Variants in BIK observed in about 807,000 individuals in gnomAD.
The protein encoded by BIK is BCL2 interacting killer, also known as bcl-2-interacting killer.
A neutral mutation model predicts 12.1 loss-of-function variants in BIK; 14 were observed. The observed-to-expected ratio is 1.16, with a 90% CI of 0.77 to 1.81. The LOEUF (loss-of-function observed/expected upper bound fraction) is 1.81. BIK is among the 40% of genes most tolerant of loss of function. The probability of loss-of-function intolerance (pLI) is 0.00; values close to 1 mark genes in which losing one functional copy is unlikely to be tolerated. For synonymous variants in BIK, 86 were observed against 92.3 expected (o/e 0.93, Z 0.39); for missense variants, 215 against 207.9 (o/e 1.03, Z -0.21).
chr22:43,128,390 G>A (rs781477962), intron 3 of BIK, 106 bp from the exon 4 acceptor site: 79 of 1,432,020 alleles, frequency 5.5e-5, no homozygotes, highest in Non-Finnish European at 7.4e-5. Context: ...GGGTGGGAGG[G>A]CACAGGCCCC....
chr22:43,119,981 T>A (rs1362578320), intron 1 of BIK, among the ~76,000 whole-genome samples: 1 of 152,032 alleles, frequency 6.6e-6, no homozygotes, highest in Admixed American at 6.6e-5. Context: ...AAAAAAATAA[T>A]AATAAAATTT....
At chr22:43,124,617 C>T (rs565910045) in intron 2 of BIK, among the ~76,000 whole-genome samples, 18 of 152,316 alleles carry the variant, frequency 1.2e-4, no homozygotes, top group East Asian at 3.9e-4. Flanking sequence ...TTGGGCCACA[C>T]GCAGTGGCTC....
intron 1 of BIK, among the ~76,000 whole-genome samples, chr22:43,114,336 T>C (rs1930068672): frequency 6.6e-6 from 1 of 152,140 alleles, no homozygotes; most frequent in Non-Finnish European, 1.5e-5. Flanking sequence ...GGAGTCTTGC[T>C]CTGTTGCCCA....
chr22:43,125,881 G>A (rs539790105), intron 2 of BIK, among the ~76,000 whole-genome samples: 1 of 152,348 alleles, frequency 6.6e-6, no homozygotes, highest in African/African-American at 2.4e-5. Flanking sequence ...CCTGGAGGCA[G>A]CAGGATTTGC....
intron 2 of BIK, among the ~76,000 whole-genome samples, chr22:43,125,049 CCTT>C (rs1930288117): frequency 6.6e-6 from 1 of 152,136 alleles, no homozygotes; most frequent in African/African-American, 2.4e-5. Context: ...AATTCCTCCT[CCTT>C]TTAGACAATA....
At chr22:43,116,583 C>T (rs12019221) in intron 1 of BIK, among the ~76,000 whole-genome samples, 24,222 of 151,964 alleles carry the variant, frequency 0.16, 2,175 homozygotes, top group African/African-American at 0.24. Flanking sequence ...CTCAGCCTCC[C>T]GAGTAGCTGG....
intron 1 of BIK, among the ~76,000 whole-genome samples, chr22:43,119,808 C>T (rs576638834): frequency 1.3e-4 from 20 of 152,168 alleles, no homozygotes; most frequent in African/African-American, 4.3e-4. Context: ...CCTATCTCTA[C>T]AGCAATTCTA....
chr22:43,123,479 TGGCTCA>T (rs1930254786), intron 1 of BIK, among the ~76,000 whole-genome samples: 1 of 152,186 alleles, frequency 6.6e-6, no homozygotes, highest in Non-Finnish European at 1.5e-5. Context: ...CTGGGCGTGG[TGGCTCA>T]TGTCTGTCGT....
At chr22:43,119,623 G>A (rs1411760491) in intron 1 of BIK, among the ~76,000 whole-genome samples, 2 of 151,966 alleles carry the variant, frequency 1.3e-5, no homozygotes, top group Admixed American at 6.6e-5. Flanking sequence ...GGAGCCAGAG[G>A]GGAGCAGAGA....
At chr22:43,117,076 G>C (rs552751550) in intron 1 of BIK, among the ~76,000 whole-genome samples, 2 of 152,188 alleles carry the variant, frequency 1.3e-5, no homozygotes, top group Non-Finnish European at 2.9e-5. Context: ...AGGTGGGGGT[G>C]CCGTTTCAGA....
chr22:43,119,470 CTT>C (rs1273851072), intron 1 of BIK, among the ~76,000 whole-genome samples: 2 of 152,136 alleles, frequency 1.3e-5, no homozygotes, highest in Non-Finnish European at 2.9e-5. Context: ...CAGCCCCTCT[CTT>C]AGCGGTTTAC....
rs745609997 is a variant in BIK, at chr22:43,129,310, C to CCGG, written c.*10_*12dup. 22 of 1,597,908 alleles carry CCGG rather than the reference C, an allele frequency of 1.4e-5. No homozygotes were observed. The Admixed American group carries it at 3.7e-4, about 27-fold the overall frequency. On this transcript the variant is annotated 3_prime_UTR_variant, in exon 5 of 5. Transcript: ENST00000216115. Reference sequence around the variant, plus strand: ...CTGCACCTGCTGCTCAAGTGAGGCCCCGGCGGCTCAGGGCGGGGCTGGCCC... The same window carrying CCGG: ...CTGCACCTGCTGCTCAAGTGAGGCCCCGGCGGCGGCTCAGGGCGGGGCTGGCCC...
chr22:43,124,577 A>T (rs1202041346), intron 2 of BIK, among the ~76,000 whole-genome samples: 2 of 152,148 alleles, frequency 1.3e-5, no homozygotes, highest in Non-Finnish European at 2.9e-5. Flanking sequence ...ATCCCAAGAG[A>T]GGGTTCTTAG....
chr22:43,118,735 A>G (rs1930164954), intron 1 of BIK, among the ~76,000 whole-genome samples: 1 of 152,126 alleles, frequency 6.6e-6, no homozygotes, highest in Admixed American at 6.5e-5. Flanking sequence ...AGGAAGTGTC[A>G]GATCCCGCCT....
intron 1 of BIK, among the ~76,000 whole-genome samples, 198 bp downstream of exon 1, chr22:43,111,001 C>T (rs1929999029): frequency 6.6e-6 from 1 of 152,192 alleles, no homozygotes; most frequent in Non-Finnish European, 1.5e-5. Context: ...TCCGGGGCTC[C>T]AGGTCCCCGA....
chr22:43,120,114 TG>T (rs1433152089), intron 1 of BIK, among the ~76,000 whole-genome samples: 4 of 152,160 alleles, frequency 2.6e-5, no homozygotes, highest in African/African-American at 9.7e-5. Context: ...AAAGCATACT[TG>T]AGTGTGGTTA....
Position 43,124,187 on chromosome 22 carries a change from G to A in BIK, c.161+4G>A. Reference sequence around the variant, plus strand: ...CTTTGGAATGCATGGAGGGCAGGTAGGTCCCCATGGCCTGCCCTACCCCCT... The same window carrying A: ...CTTTGGAATGCATGGAGGGCAGGTAAGTCCCCATGGCCTGCCCTACCCCCT... On this transcript the variant is annotated splice_donor_region_variant and intron_variant, in intron 2 of 4. Transcript: ENST00000216115. The A allele has an allele frequency of 6.2e-7, 1 of 1,613,788 alleles. No homozygotes were observed. Among genetic ancestry groups the A allele is most frequent in the Non-Finnish European group, 8.5e-7 (1 of 1,179,928 alleles).
At chr22:43,113,250 T>C (rs555229755) in intron 1 of BIK, among the ~76,000 whole-genome samples, 1 of 152,312 alleles carries the variant, frequency 6.6e-6, no homozygotes, top group African/African-American at 2.4e-5. Context: ...CCAGTGTCTG[T>C]TACAGCTTGG....
At chr22:43,118,894 G>A (rs990277424) in intron 1 of BIK, among the ~76,000 whole-genome samples, 1 of 152,026 alleles carries the variant, frequency 6.6e-6, no homozygotes, top group African/African-American at 2.4e-5. Context: ...CACCTGCTGA[G>A]GGCTGAGCAG....
Sources: gnomAD v4.1 joint callset for allele counts (sites outside exome capture counted in the v4.1 genomes callset) on GRCh38, gnomAD v4.1.1 for gene constraint, MANE v1.5 for transcripts, NCBI Gene and HGNC (gene_info 2026-07-23, HGNC 2026-07-21) for gene names.